YJU2: variants seen among roughly 807,000 people sequenced by gnomAD.
YJU2 encodes the protein YJU2 splicing factor homolog.
In YJU2, 28 loss-of-function variants were observed where a neutral mutation model predicts 39.6. The observed-to-expected ratio is 0.71, with a 90% CI of 0.52 to 0.97. The LOEUF (loss-of-function observed/expected upper bound fraction) is 0.97, where lower values mean the gene tolerates loss of function less well. YJU2 is among the 50% of genes least tolerant of loss of function. The pLI is 0.00. For missense variants in YJU2, 328 were observed against 430.4 expected, an observed-to-expected ratio of 0.76 and a Z score of 2.11; for synonymous variants, 184 against 182.4, an observed-to-expected ratio of 1.01 and a Z score of -0.07.
chr19:4,268,514 C>A, intron 7 of YJU2, 70 bp from the exon 8 acceptor site: 1 of 1,122,294 alleles, frequency 8.9e-7, no homozygotes, highest in South Asian at 1.3e-5. Context: ...CAGAGGTGGC[C>A]GGCCCCGTGC....
In YJU2 at chr19:4,268,918, GCTCCTGCC is replaced by G. The variant is rs1971140733; in HGVS notation, c.*224_*231del. The G allele has an allele frequency of 3.6e-6, 2 of 561,552 alleles. No homozygotes were observed. Among genetic ancestry groups the G allele is most frequent in the Admixed American group, 6.2e-5 (2 of 32,326 alleles). 34.8% of individuals were successfully genotyped at this position (561,552 alleles called of 1,614,324 possible). A position where few individuals can be genotyped will look rare whatever the true frequency, so the allele number is the denominator to read the frequency against. On this transcript the variant is annotated 3_prime_UTR_variant, in exon 8 of 8. Transcript: ENST00000262962. The stretch of plus-strand genomic sequence containing the variant: ...TCTCAACACCTCGGGGACCCCTGCT[GCTCCTGCC>G]CCCACCTGTCACTGTGCTTAGGGCT...
rs1437099272 is a variant in YJU2, at chr19:4,258,307, G to C, written c.471G>C (p.Leu157=). The C allele has an allele frequency of 3.8e-6, 6 of 1,570,240 alleles. No individual in the cohort carries two copies. Among genetic ancestry groups the C allele is most frequent in the African/African-American group, 1.3e-5 (1 of 74,418 alleles). ...EMEVLENLQE[L]KDLNQRQAHV... Reference sequence around the variant, plus strand: ...AGGTGCTGGAGAACCTCCAGGAGCTGAAAGACCTGAACCAGCGGCAGGCGC... The same window carrying C: ...AGGTGCTGGAGAACCTCCAGGAGCTCAAAGACCTGAACCAGCGGCAGGCGC... The change falls in exon 5 of 8, where the codon CTG becomes CTC. Residue 157 remains leucine (L), a synonymous_variant. Transcript: ENST00000262962.
chr19:4,268,716 A>C lies in YJU2; in HGVS notation c.*20A>C, dbSNP rs372296369. 5.1e-6 allele frequency: 8 copies of C among 1,560,976 alleles called. No individual in the cohort carries two copies. The African/African-American group carries it at 1.1e-4, about 21-fold the overall frequency. On this transcript the variant is annotated 3_prime_UTR_variant, in exon 8 of 8. Transcript: ENST00000262962. ...AACTGAGCCCTCCCAGGACCCCCTC[A>C]CGGGGTCAAAGTCACACGTCCAGCT... is the stretch of plus-strand genomic sequence containing the variant.
At chr19:4,267,562 G>T (rs1020237449) in intron 6 of YJU2, 62 bp from the exon 7 acceptor site, 68 of 1,561,726 alleles carry the variant, frequency 4.4e-5, no homozygotes, top group Non-Finnish European at 5.4e-5. Context: ...GGGTTGTGGC[G>T]AGGGGCCAGA....
At chr19:4,249,455 C>G in intron 2 of YJU2, 127 bp downstream of exon 2, 1 of 629,400 alleles carries the variant, frequency 1.6e-6, no homozygotes, top group Non-Finnish European at 2.8e-6. Context: ...CTGGCTCAGA[C>G]ATTGACCATT....
Position 4,267,763 on chromosome 19 carries a change from C to T in YJU2, c.848C>T (p.Ala283Val). The change falls in exon 7 of 8, where the codon GCC becomes GTC. Residue 283 changes from alanine to valine, a missense_variant. Around this residue, in one of 2 missense-constraint regions of YJU2, gnomAD observed 244 missense variants for 264.6 expected, o/e 0.92. Transcript: ENST00000262962. ...TGCAGCAACGGGCAGCCTCAGGCGGCCCCCACCCCAGGTAAGGTCACAGAG... is the reference window on the plus strand; with the variant it reads ...TGCAGCAACGGGCAGCCTCAGGCGGTCCCCACCCCAGGTAAGGTCACAGAG... ...PDCSNGQPQAAPTPGAPQNRK... is the reference protein window; with the variant it reads ...PDCSNGQPQAVPTPGAPQNRK... 2 of 1,611,782 alleles carry T rather than the reference C, an allele frequency of 1.2e-6. No individual in the cohort carries two copies. Among genetic ancestry groups the T allele is most frequent in the South Asian group, 1.1e-5 (1 of 90,960 alleles).
At chr19:4,254,188 G>C (rs924095080) in intron 3 of YJU2, among the ~76,000 whole-genome samples, 167 bp from the exon 4 acceptor site, 1 of 152,070 alleles carries the variant, frequency 6.6e-6, no homozygotes, top group Non-Finnish European at 1.5e-5. Flanking sequence ...GGAGATGGGA[G>C]GAGCACTAGG....
intron 6 of YJU2, among the ~76,000 whole-genome samples, chr19:4,263,073 CAAAA>C (rs748864015): frequency 1.9e-5 from 2 of 106,450 alleles, no homozygotes; most frequent in African/African-American, 3.4e-5. Flanking sequence ...GACTCTGTCT[CAAAA>C]AAAAAAAAAA....
In YJU2 at chr19:4,263,992, G is replaced by A. The variant is rs578158725; in HGVS notation, c.708+1878G>A. ...AAACGATTGTTCTCGGCCGGGCGCG[G>A]TGGCTCACACCTGTAATCCCAGCAC... On this transcript the variant is annotated intron_variant, in intron 6 of 7. Transcript: ENST00000262962. Among the ~76,000 whole-genome samples, 10 of 151,792 alleles carry A rather than the reference G, an allele frequency of 6.6e-5. No individual in the cohort carries two copies. In the East Asian group the frequency reaches 1.8e-3, roughly 27 times the overall value.
intron 1 of YJU2, among the ~76,000 whole-genome samples, chr19:4,247,786 C>T (rs1970943025): frequency 6.6e-6 from 1 of 151,202 alleles, no homozygotes; most frequent in Non-Finnish European, 1.5e-5. Context: ...ATGCAGATAA[C>T]CTCTGCCTGA....
intron 5 of YJU2, among the ~76,000 whole-genome samples, chr19:4,260,543 C>G (rs972589481): frequency 6.6e-6 from 1 of 152,110 alleles, no homozygotes; most frequent in African/African-American, 2.4e-5. Flanking sequence ...TCGAGACCAG[C>G]CTGGCCAAGA....
chr19:4,260,839 C>T (rs891646263), intron 5 of YJU2, among the ~76,000 whole-genome samples: 1 of 152,094 alleles, frequency 6.6e-6, no homozygotes, highest in Admixed American at 6.6e-5. Context: ...TCTGCCCTCA[C>T]GGAGCTCACT....
At position 4,258,229 on chromosome 19, in the gene YJU2, C is replaced by A; in HGVS notation, c.406-13C>A. ...TCCCCATGCACTCAGCCCCGCCGCCCCGCGCCCGCCAGGTGCTGGAGAACC... is the reference window on the plus strand; with the variant it reads ...TCCCCATGCACTCAGCCCCGCCGCCACGCGCCCGCCAGGTGCTGGAGAACC... On this transcript the variant is annotated splice_polypyrimidine_tract_variant and intron_variant, in intron 4 of 7. Transcript: ENST00000262962. 1 of 1,550,548 alleles carries A rather than the reference C, an allele frequency of 6.4e-7. No homozygotes were observed. Among genetic ancestry groups the A allele is most frequent in the Non-Finnish European group, 8.7e-7 (1 of 1,146,614 alleles).
intron 5 of YJU2, among the ~76,000 whole-genome samples, chr19:4,260,707 G>A (rs772257097): frequency 6.7e-5 from 10 of 150,102 alleles, no homozygotes; most frequent in South Asian, 2.1e-4. Flanking sequence ...CGATCCTCCC[G>A]TCTCAGCGTC....
intron 1 of YJU2, among the ~76,000 whole-genome samples, chr19:4,248,775 G>A (rs867737362): frequency 2.0e-5 from 3 of 152,032 alleles, no homozygotes; most frequent in East Asian, 3.9e-4. Flanking sequence ...AAAAATTAGC[G>A]GGGAGTGGTG....
intron 5 of YJU2, among the ~76,000 whole-genome samples, chr19:4,260,072 C>T (rs551125351): frequency 1.7e-4 from 26 of 152,114 alleles, no homozygotes; most frequent in Admixed American, 1.6e-3. Flanking sequence ...AGGCTGGTTC[C>T]GGCATCCAGG....
chr19:4,250,603 T>C (rs1239181816), intron 2 of YJU2, among the ~76,000 whole-genome samples: 1 of 150,674 alleles, frequency 6.6e-6, no homozygotes. Context: ...GGGACTGAGC[T>C]GGGGGTGTTT....
intron 6 of YJU2, among the ~76,000 whole-genome samples, chr19:4,264,261 C>CAAAAAAAAA (rs748910280): frequency 4.6e-5 from 2 of 43,940 alleles, no homozygotes; most frequent in African/African-American, 1.5e-4. Context: ...GACTCTGTCT[C>CAAAAAAAAA]AAAAAAAAAA....
rs141772421 is a variant in YJU2, at chr19:4,251,102, C to T, written c.201C>T (p.Val67=). ...GGAAGGAGACGGTGCAGAACGAGGT[C>T]TACCTGGGCCTGCCCATCTTCCGCT... The part of the protein sequence containing the change: ...NARKETVQNE[V]YLGLPIFRFY... The change falls in exon 3 of 8, where the codon GTC becomes GTT. Residue 67 remains valine, a synonymous_variant. Transcript: ENST00000262962. 79 of 1,614,026 alleles carry T rather than the reference C, an allele frequency of 4.9e-5. No individual in the cohort carries two copies. The African/African-American group carries it at 1.0e-3, about 21-fold the overall frequency.
Sources: gnomAD v4.1 joint callset for allele counts (sites outside exome capture counted in the v4.1 genomes callset) on GRCh38, gnomAD v4.1.1 for gene constraint, gnomAD v4.1.1 regional missense constraint, MANE v1.5 for transcripts, NCBI Gene and HGNC (gene_info 2026-07-23, HGNC 2026-07-21) for gene names.